Variants in MRPL3 observed in about 807,000 individuals in gnomAD.
MRPL3 encodes the protein large ribosomal subunit protein uL3m.
MRPL3 carries 43 observed loss-of-function variants against 44.3 expected under a neutral mutation model. The ratio of observed to expected loss-of-function variants is 0.97; its 90% CI spans 0.76 to 1.25. MRPL3 has a LOEUF of 1.25. Ranked by LOEUF, MRPL3 falls within the 50% of genes most tolerant of loss-of-function variation. MRPL3 has a pLI of 0.00. For missense variants in MRPL3, 406 were observed against 427.6 expected, an observed-to-expected ratio of 0.95 and a Z score of 0.45; for synonymous variants, 171 against 152.3, an observed-to-expected ratio of 1.12 and a Z score of -0.91.
At chr3:131,491,559 C>T (rs769381508) in intron 4 of MRPL3, among the ~76,000 whole-genome samples, 3 of 152,140 alleles carry the variant, frequency 2.0e-5, no homozygotes, top group Non-Finnish European at 4.4e-5. Flanking sequence ...CCTTCCCAGG[C>T]CTTCTTCCAA....
At chr3:131,486,162 C>A (rs1277895420) in intron 6 of MRPL3, among the ~76,000 whole-genome samples, 3 of 151,810 alleles carry the variant, frequency 2.0e-5, no homozygotes, top group Non-Finnish European at 4.4e-5. Context: ...CTTTCTTACA[C>A]CTTATACAAA....
chr3:131,499,593 T>G (rs903169447), intron 3 of MRPL3, among the ~76,000 whole-genome samples: 6 of 152,216 alleles, frequency 3.9e-5, no homozygotes, highest in Admixed American at 6.5e-5. Flanking sequence ...TGAGCCTTAT[T>G]AGCACTCTAA....
chr3:131,501,317 C>T (rs1934492854), intron 2 of MRPL3, among the ~76,000 whole-genome samples: 1 of 152,204 alleles, frequency 6.6e-6, no homozygotes, highest in African/African-American at 2.4e-5. Flanking sequence ...TATAAAACAG[C>T]TTCTCAAGGA....
intron 4 of MRPL3, among the ~76,000 whole-genome samples, chr3:131,494,573 A>G (rs1277765635): frequency 6.6e-6 from 1 of 152,168 alleles, no homozygotes; most frequent in African/African-American, 2.4e-5. Flanking sequence ...CTATTCTAAT[A>G]ATACAAAACA....
chr3:131,488,958 A>T (rs1934189338), intron 5 of MRPL3, among the ~76,000 whole-genome samples: 1 of 152,104 alleles, frequency 6.6e-6, no homozygotes, highest in African/African-American at 2.4e-5. Context: ...TATGAGGCTG[A>T]ATTGCTGATT....
At chr3:131,480,603 T>C (rs1007510981) in intron 6 of MRPL3, among the ~76,000 whole-genome samples, 1 of 152,176 alleles carries the variant, frequency 6.6e-6, no homozygotes, top group African/African-American at 2.4e-5. Context: ...TGTGCAGTGA[T>C]TCCTTCAATT....
At chr3:131,493,301 C>T (rs1358428412) in intron 4 of MRPL3, among the ~76,000 whole-genome samples, 1 of 152,196 alleles carries the variant, frequency 6.6e-6, no homozygotes, top group Non-Finnish European at 1.5e-5. Context: ...AAGTACATGT[C>T]TCTAGTACTA....
intron 3 of MRPL3, among the ~76,000 whole-genome samples, chr3:131,498,724 A>G (rs1934428680): frequency 7.1e-6 from 1 of 141,572 alleles, no homozygotes; most frequent in Admixed American, 7.0e-5. Context: ...AAAAAAAAAG[A>G]TTAAATACAT....
intron 6 of MRPL3, among the ~76,000 whole-genome samples, chr3:131,483,781 T>A (rs1250189098): frequency 6.6e-6 from 1 of 151,956 alleles, no homozygotes; most frequent in African/African-American, 2.4e-5. Context: ...CTCACACTAT[T>A]TTCTTGAAAT....
intron 6 of MRPL3, among the ~76,000 whole-genome samples, chr3:131,475,088 A>G (rs1379530456): frequency 6.6e-6 from 1 of 152,114 alleles, no homozygotes; most frequent in East Asian, 1.9e-4. Context: ...GGCATGTGAC[A>G]TATTTTTACT....
chr3:131,488,345 T>A (rs1934176435), intron 5 of MRPL3, among the ~76,000 whole-genome samples: 5 of 152,174 alleles, frequency 3.3e-5, no homozygotes, highest in Admixed American at 3.3e-4. Context: ...TATAGAAACG[T>A]TTACAAAACT....
intron 6 of MRPL3, among the ~76,000 whole-genome samples, chr3:131,478,354 AAGTTAT>A (rs1933900839): frequency 6.6e-6 from 1 of 152,204 alleles, no homozygotes. Context: ...CTCTTCCTTC[AAGTTAT>A]CCTACCACAG....
chr3:131,465,531 A>G (rs978535606), intron 9 of MRPL3, among the ~76,000 whole-genome samples: 9 of 152,334 alleles, frequency 5.9e-5, no homozygotes, highest in East Asian at 3.9e-4. Flanking sequence ...CTAGAAAACC[A>G]GCCTAGAATC....
intron 4 of MRPL3, among the ~76,000 whole-genome samples, chr3:131,491,474 C>A (rs1300991192): frequency 1.3e-5 from 2 of 152,152 alleles, no homozygotes; most frequent in African/African-American, 4.8e-5. Context: ...AAGTCATTAT[C>A]TCCACTTCAA....
chr3:131,476,588 T>G (rs1261584167), intron 6 of MRPL3, among the ~76,000 whole-genome samples: 1 of 152,140 alleles, frequency 6.6e-6, no homozygotes, highest in Non-Finnish European at 1.5e-5. Flanking sequence ...GAGGAAAGCT[T>G]AAAGTGGAAA....
chr3:131,498,118 C>G, intron 4 of MRPL3, 61 bp downstream of exon 4: 2 of 1,153,264 alleles, frequency 1.7e-6, no homozygotes, highest in South Asian at 2.5e-5. Flanking sequence ...AAAACATAAA[C>G]TCATCCAGAT....
chr3:131,475,900 C>G (rs1020891070), intron 6 of MRPL3, among the ~76,000 whole-genome samples: 5 of 152,082 alleles, frequency 3.3e-5, no homozygotes, highest in African/African-American at 9.7e-5. Flanking sequence ...ATTTGGCAAA[C>G]AACACTTCAA....
chr3:131,494,384 T>G (rs1473478938), intron 4 of MRPL3, among the ~76,000 whole-genome samples: 2 of 152,260 alleles, frequency 1.3e-5, no homozygotes, highest in African/African-American at 4.8e-5. Flanking sequence ...AATTTTCATT[T>G]AACAGTATGG....
chr3:131,493,957 T>G lies in MRPL3; in HGVS notation c.469-3877A>C, dbSNP rs539128412. Among the ~76,000 whole-genome samples the G allele has an allele frequency of 3.3e-4, 51 of 152,368 alleles. 1 individual carries two copies. The highest frequency in any genetic ancestry group is 1.1e-3 in the African/African-American group (46 of 41,590). On this transcript the variant is annotated intron_variant, in intron 4 of 9. Transcript: ENST00000264995. ...TTTGTAGAATATAATATGTGAATAC[T>G]TAGCAAACTTTAGTTACTTGTTCAG...
Sources: gnomAD v4.1 joint callset for allele counts (sites outside exome capture counted in the v4.1 genomes callset) on GRCh38, gnomAD v4.1.1 for gene constraint, MANE v1.5 for transcripts, NCBI Gene and HGNC (gene_info 2026-07-23, HGNC 2026-07-21) for gene names.